NXN: variants seen among roughly 807,000 people sequenced by gnomAD.
The protein encoded by NXN is nucleoredoxin, also known as nucleoredoxin 1.
Under a neutral mutation model 48.6 loss-of-function variants are expected in NXN, and 16 were observed. That is an observed-to-expected ratio of 0.33 (90% CI 0.22 to 0.50). The LOEUF (loss-of-function observed/expected upper bound fraction) is 0.50, where lower values mean the gene tolerates loss of function less well. Among genes scored for constraint, NXN ranks in the 20% least tolerant of loss-of-function variants. The probability of loss-of-function intolerance (pLI) is 0.98; values close to 1 mark genes in which losing one functional copy is unlikely to be tolerated. For synonymous variants in NXN, 281 were observed against 269.6 expected (o/e 1.04, Z -0.41); for missense variants, 492 against 605.5 (o/e 0.81, Z 1.97).
At chr17:894,862 C>A (rs974338012) in intron 1 of NXN, among the ~76,000 whole-genome samples, 1 of 152,144 alleles carries the variant, frequency 6.6e-6, no homozygotes. Context: ...AACTTTAAAT[C>A]CACTTGGCTT....
intron 1 of NXN, among the ~76,000 whole-genome samples, chr17:924,130 C>T (rs1396762793): frequency 2.0e-5 from 3 of 151,828 alleles, no homozygotes; most frequent in Non-Finnish European, 2.9e-5. Context: ...TGCAGTGGCA[C>T]GATTCTGGGC....
In NXN at chr17:899,017, G is replaced by C. The variant is rs7222821; in HGVS notation, c.361-72939C>G. On this transcript the variant is annotated intron_variant, in intron 1 of 7. Coordinates refer to ENST00000336868, the MANE Select transcript of NXN (RefSeq NM_022463.5). Reference sequence around the variant, plus strand: ...CTGTCGCCCAGGCTGGAGTGCAGTGGCACGATCTTGGCTCACTGCAACCTC... The same window carrying C: ...CTGTCGCCCAGGCTGGAGTGCAGTGCCACGATCTTGGCTCACTGCAACCTC... Among the ~76,000 whole-genome samples the C allele has an allele frequency of 3.3e-4, 13 of 39,826 alleles. 2 individuals carry two copies. The highest frequency in any genetic ancestry group is 1.1e-3 in the Admixed American group (3 of 2,666). 26.1% of individuals were successfully genotyped at this position (39,826 alleles called of 152,430 possible).
intron 1 of NXN, among the ~76,000 whole-genome samples, chr17:942,558 T>C (rs1179678570): frequency 6.9e-5 from 3 of 43,476 alleles, no homozygotes; most frequent in South Asian, 1.7e-3. Flanking sequence ...GGATTTACGG[T>C]GAACAAGATT....
intron 1 of NXN, among the ~76,000 whole-genome samples, chr17:927,995 C>CA (rs1567504982): frequency 6.6e-6 from 1 of 151,888 alleles, no homozygotes; most frequent in Non-Finnish European, 1.5e-5. Context: ...CGAGGATAAA[C>CA]ATCCTAGATA....
chr17:963,936 G>A (rs1343595665), intron 1 of NXN, among the ~76,000 whole-genome samples: 1 of 151,788 alleles, frequency 6.6e-6, no homozygotes, highest in Non-Finnish European at 1.5e-5. Context: ...AATCAGCCGG[G>A]CGTGGTGGCG....
chr17:961,889 C>T (rs2069241727), intron 1 of NXN, among the ~76,000 whole-genome samples: 1 of 152,188 alleles, frequency 6.6e-6, no homozygotes, highest in African/African-American at 2.4e-5. Flanking sequence ...AATCCCAACA[C>T]TTTGCCAGGT....
At chr17:835,511 G>A (rs1165903541) in intron 1 of NXN, among the ~76,000 whole-genome samples, 1 of 152,258 alleles carries the variant, frequency 6.6e-6, no homozygotes, top group South Asian at 2.1e-4. Context: ...CCACTGCTCC[G>A]CCTGGCAGTG....
In NXN at chr17:967,565, C is replaced by A. The variant is rs527249374; in HGVS notation, c.360+11754G>T. Among the ~76,000 whole-genome samples, 9 of 152,226 alleles carry A rather than the reference C, an allele frequency of 5.9e-5. No homozygotes were observed. In the South Asian group the frequency reaches 1.9e-3, roughly 32 times the overall value. On this transcript the variant is annotated intron_variant, in intron 1 of 7. Transcript: ENST00000336868. ...TTCAGGAATGTGGCAAGGAGGCAGA[C>A]CCAGGGACAGGACCAAGTTAAATGG...
chr17:910,177 C>T (rs1050010825), intron 1 of NXN, among the ~76,000 whole-genome samples: 1 of 152,022 alleles, frequency 6.6e-6, no homozygotes, highest in African/African-American at 2.4e-5. Flanking sequence ...TTGGGGAGGC[C>T]GAGGCAGGCG....
chr17:839,136 G>GT (rs1374925772), intron 1 of NXN, among the ~76,000 whole-genome samples: 1 of 152,110 alleles, frequency 6.6e-6, no homozygotes, highest in African/African-American at 2.4e-5. Flanking sequence ...ACACTGCTTG[G>GT]TTCATAGTGA....
In NXN at chr17:900,859, G is replaced by T. The variant is rs910655712; in HGVS notation, c.361-74781C>A. On this transcript the variant is annotated intron_variant, in intron 1 of 7. Coordinates refer to ENST00000336868, the MANE Select transcript of NXN (RefSeq NM_022463.5). ...CAGGGCTGGAAGCATCTTCTGGGAG[G>T]CAGGGGAGTTTTGAGAGAAAAGTGT... is the stretch of plus-strand genomic sequence containing the variant. 3.9e-5 allele frequency among the ~76,000 whole-genome samples: 6 copies of T among 151,948 alleles called. No homozygotes were observed. The South Asian group carries it at 8.3e-4, about 21-fold the overall frequency.
intron 5 of NXN, 47 bp downstream of exon 5, chr17:819,392 G>T: frequency 7.4e-7 from 1 of 1,348,428 alleles, no homozygotes; most frequent in Non-Finnish European, 1.1e-6. Flanking sequence ...GAGCTCAGGT[G>T]AGCAGGTTTC....
chr17:807,467 C>T (rs974054116), intron 5 of NXN, among the ~76,000 whole-genome samples: 3 of 152,198 alleles, frequency 2.0e-5, no homozygotes, highest in African/African-American at 7.2e-5. Flanking sequence ...CCCGGCTCAG[C>T]GCCTGGGGCT....
chr17:819,292 A>G (rs1912674314), intron 5 of NXN, 147 bp downstream of exon 5: 2 of 701,386 alleles, frequency 2.9e-6, no homozygotes, highest in Admixed American at 4.5e-5. Context: ...ACACCATGAA[A>G]ATTCTACACT....
intron 1 of NXN, among the ~76,000 whole-genome samples, chr17:964,617 T>C (rs1049447898): frequency 4.6e-5 from 7 of 152,192 alleles, no homozygotes; most frequent in African/African-American, 1.4e-4. Context: ...CAATTCACCC[T>C]CACGCCTACA....
chr17:897,042 G>T, intron 1 of NXN: 1 of 1,083,024 alleles, frequency 9.2e-7, no homozygotes, highest in Non-Finnish European at 1.1e-6. Context: ...TAACAACAGC[G>T]TCACTGTCAC....
Position 885,663 on chromosome 17 carries a change from C to T in NXN, c.361-59585G>A, listed in dbSNP as rs190266285. Among the ~76,000 whole-genome samples the T allele has an allele frequency of 3.5e-3, 467 of 133,358 alleles. 3 individuals are homozygous for T. Among genetic ancestry groups the T allele is most frequent in the Non-Finnish European group, 4.1e-3 (262 of 64,508 alleles). 87.5% of individuals were successfully genotyped at this position (133,358 alleles called of 152,430 possible). ...AGGCGCCATGCCCACCTGGGGGCTG[C>T]GGTACTCGCTTTTTTTTTTTTTTTT... On this transcript the variant is annotated intron_variant, in intron 1 of 7. Coordinates refer to ENST00000336868, the MANE Select transcript of NXN (RefSeq NM_022463.5).
rs538405444 is a variant in NXN at position 957,145 on chromosome 17, C to T, written c.360+22174G>A. 5.3e-5 allele frequency among the ~76,000 whole-genome samples: 8 copies of T among 150,902 alleles called. No individual in the cohort carries two copies. In the South Asian group the frequency reaches 1.3e-3, roughly 24 times the overall value. ...TGGCGGAGCTGAGACAAGGCAACAA[C>T]GTGCAAAGGTGATTTGTGTAATATG... is the stretch of plus-strand genomic sequence containing the variant. On this transcript the variant is annotated intron_variant, in intron 1 of 7. Transcript: ENST00000336868.
chr17:925,087 G>A (rs2068786103), intron 1 of NXN, among the ~76,000 whole-genome samples: 1 of 152,244 alleles, frequency 6.6e-6, no homozygotes, highest in African/African-American at 2.4e-5. Context: ...CTTGTTCAAA[G>A]CTGATTGTCT....
Sources: gnomAD v4.1 joint callset for allele counts (sites outside exome capture counted in the v4.1 genomes callset) on GRCh38, gnomAD v4.1.1 for gene constraint, MANE v1.5 for transcripts, NCBI Gene and HGNC (gene_info 2026-07-23, HGNC 2026-07-21) for gene names.